The following PRDM1 variants were observed in gnomAD, a reference collection of about 807,000 sequenced individuals.
PRDM1 encodes the protein PR/SET domain 1.
A neutral mutation model predicts 62.8 loss-of-function variants in PRDM1; 13 were observed. The ratio of observed to expected loss-of-function variants is 0.21; its 90% CI spans 0.13 to 0.33. The LOEUF is 0.33. Among genes scored for constraint, PRDM1 ranks in the 10% least tolerant of loss-of-function variants. The pLI is 1.00. For missense variants in PRDM1, 895 were observed against 1,058.8 expected (o/e 0.85, Z 2.15); for synonymous variants, 396 against 417.6 (o/e 0.95, Z 0.63).
chr6:106,051,733 G>A (rs545121667), intron 1 of PRDM1, among the ~76,000 whole-genome samples: 7 of 152,294 alleles, frequency 4.6e-5, no homozygotes, highest in East Asian at 3.9e-4. Flanking sequence ...AAATGATGCC[G>A]AAGTCTGAAT....
At chr6:106,057,194 G>A (rs1400228794) in intron 1 of PRDM1, among the ~76,000 whole-genome samples, 2 of 152,208 alleles carry the variant, frequency 1.3e-5, no homozygotes, top group African/African-American at 4.8e-5. Flanking sequence ...CATTATAAGT[G>A]TGAGAAATTG....
At chr6:106,094,332 T>C (rs1774034343) in intron 2 of PRDM1, among the ~76,000 whole-genome samples, 2 of 152,088 alleles carry the variant, frequency 1.3e-5, no homozygotes, top group Admixed American at 1.3e-4. Flanking sequence ...ACTAGGAAAG[T>C]GAGAGAATAA....
chr6:106,107,015 C>T lies in PRDM1; in HGVS notation c.2007C>T (p.Thr669=), dbSNP rs1222740368. 1.9e-6 allele frequency: 3 copies of T among 1,614,178 alleles called. No individual in the cohort carries two copies. Among genetic ancestry groups the T allele is most frequent in the Admixed American group, 1.7e-5 (1 of 60,032 alleles). Residue 669 remains threonine (T), a synonymous_variant, in exon 7 of 7, where the codon ACC becomes ACT. Coordinates refer to ENST00000369096, the MANE Select transcript of PRDM1 (RefSeq NM_001198.4). The part of the protein sequence containing the change: ...YQCKVCPAKF[T]QFVHLKLHKR... ...GCAAGGTGTGCCCTGCCAAGTTCAC[C>T]CAGTTTGTGCACCTGAAACTGCACA...
At position 105,995,322 on chromosome 6, in the gene PRDM1, TTTTTC is replaced by T. The variant is rs1470692256; in HGVS notation, c.-67+1695_-67+1699del. On this transcript the variant is annotated intron_variant, in intron 1 of 6. Transcript: ENST00000652320. Reference sequence around the variant, plus strand: ...TCTGGGGGACGTTCTCATAAGGCTTTTTTTCTTTTCTTTTCTACCTTTTAACAGAA... The same window carrying T: ...TCTGGGGGACGTTCTCATAAGGCTTTTTTTCTTTTCTACCTTTTAACAGAA... Among the ~76,000 whole-genome samples the T allele has an allele frequency of 2.6e-5, 4 of 152,340 alleles. No homozygotes were observed. The South Asian group carries it at 6.2e-4, about 24-fold the overall frequency.
At chr6:106,069,961 T>C (rs1160993758) in intron 1 of PRDM1, among the ~76,000 whole-genome samples, 1 of 152,254 alleles carries the variant, frequency 6.6e-6, no homozygotes. Context: ...ATAGATTTAA[T>C]GCAATTCTTC....
rs2114618342 is a variant in PRDM1 at position 106,088,436 on chromosome 6, C to T, written c.278C>T (p.Thr93Ile). Residue 93 changes from threonine (T) to isoleucine (I), a missense_variant, in exon 2 of 7, where the codon ACC becomes ATC. Transcript: ENST00000369096. ...AGGAATCTGCTTTTCAAGTATGCCA[C>T]CAACAGTGAAGAGGTAAGCCTCTGG... ...LPRNLLFKYA[T>I]NSEEVIGVMS... The T allele has an allele frequency of 6.2e-7, 1 of 1,614,190 alleles. No individual in the cohort carries two copies. Among genetic ancestry groups the T allele is most frequent in the Non-Finnish European group, 8.5e-7 (1 of 1,180,038 alleles).
At chr6:106,098,176 A>G (rs548377661) in intron 3 of PRDM1, 1 of 985,092 alleles carries the variant, frequency 1.0e-6, no homozygotes, top group South Asian at 4.7e-5. Flanking sequence ...ACAGTGCCTT[A>G]CTGCTGCTTG....
intron 1 of PRDM1, among the ~76,000 whole-genome samples, chr6:106,064,300 G>A (rs1773392255): frequency 6.6e-6 from 1 of 152,196 alleles, no homozygotes; most frequent in African/African-American, 2.4e-5. Flanking sequence ...TCCTCTCTGG[G>A]TGTTGAGCTG....
At position 106,088,329 on chromosome 6, in the gene PRDM1, G is replaced by A. The variant is rs1562164897; in HGVS notation, c.171G>A (p.Lys57=). Residue 57 remains lysine (K), a synonymous_variant, in exon 2 of 7, where the codon AAG becomes AAA. Transcript: ENST00000369096. ...GGACAGAGGCTGAGTTTGAAGAGAA[G>A]TGTACATACATTGTGAACGACCACC... ...TLWTEAEFEE[K]CTYIVNDHPW... is the part of the protein sequence containing the mutation. 1 of 1,614,170 alleles carries A rather than the reference G, an allele frequency of 6.2e-7. No homozygotes were observed. Among genetic ancestry groups the A allele is most frequent in the East Asian group, 2.2e-5 (1 of 44,882 alleles).
chr6:106,108,567 T>G lies in PRDM1; in HGVS notation c.*1081T>G. ...TAATGTCAAAATTGCACAAACATGG[T>G]GCTCTACCAGGAAGGATTCGAGGTA... On this transcript the variant is annotated 3_prime_UTR_variant, in exon 7 of 7. Transcript: ENST00000369096. 4.6e-6 allele frequency: 1 copy of G among 217,724 alleles called. No homozygotes were observed. The highest frequency in any genetic ancestry group is 8.8e-6 in the Non-Finnish European group (1 of 113,696). 13.5% of individuals were successfully genotyped at this position (217,724 alleles called of 1,614,324 possible).
chr6:106,007,940 G>T (rs1282351722), intron 1 of PRDM1, among the ~76,000 whole-genome samples: 1 of 152,136 alleles, frequency 6.6e-6, no homozygotes, highest in Middle Eastern at 3.2e-3. Context: ...CTGTGCATTC[G>T]CTCAATGTTT....
intron 1 of PRDM1, among the ~76,000 whole-genome samples, chr6:106,052,681 C>A (rs1402966877): frequency 6.6e-6 from 1 of 151,884 alleles, no homozygotes; most frequent in Non-Finnish European, 1.5e-5. Context: ...TTTAAAAATT[C>A]ATGGTCATGC....
chr6:106,043,611 G>A (rs971350970), upstream of PRDM1, among the ~76,000 whole-genome samples: 13 of 151,984 alleles, frequency 8.6e-5, no homozygotes, highest in African/African-American at 2.9e-4. Context: ...TTGGCTCCCC[G>A]CAACCTCCGC....
In PRDM1 at chr6:106,107,804, A is replaced by AGAC. The variant is rs1774546161; in HGVS notation, c.*319_*321dup. ...TGTTTGCATAGCCTTCCCATTACTA[A>AGAC]GACTATTACCTAGTCATAATTATTT... On this transcript the variant is annotated 3_prime_UTR_variant, in exon 7 of 7. Coordinates refer to ENST00000369096, the MANE Select transcript of PRDM1 (RefSeq NM_001198.4). 8.6e-6 allele frequency: 2 copies of AGAC among 231,280 alleles called. No individual in the cohort carries two copies. Among genetic ancestry groups the AGAC allele is most frequent in the South Asian group, 3.6e-4 (2 of 5,514 alleles). 14.3% of individuals were successfully genotyped at this position (231,280 alleles called of 1,614,324 possible).
In PRDM1 at chr6:106,096,158, T is replaced by C. The variant is rs188879003; in HGVS notation, c.411+424T>C. On this transcript the variant is annotated intron_variant, in intron 3 of 6. Transcript: ENST00000369096. ...CACAAATGAATTATCTTTTTGGTTT[T>C]TTTTTTTTTGAGATGGAGTCTCACT... 3.0e-3 allele frequency: 494 copies of C among 166,100 alleles called. 10 individuals are homozygous for C. The highest frequency in any genetic ancestry group is 0.024 in the Admixed American group (409 of 17,084). 10.3% of individuals were successfully genotyped at this position (166,100 alleles called of 1,614,324 possible). A position where few individuals can be genotyped will look rare whatever the true frequency, so the allele number is the denominator to read the frequency against.
chr6:106,037,159 G>A (rs1772934247), intron 1 of PRDM1, among the ~76,000 whole-genome samples: 1 of 152,084 alleles, frequency 6.6e-6, no homozygotes, highest in Admixed American at 6.5e-5. Flanking sequence ...TTGGATATAG[G>A]ATTCTTGGCT....
intron 1 of PRDM1, among the ~76,000 whole-genome samples, chr6:106,056,149 A>G (rs1773262402): frequency 6.6e-6 from 1 of 152,152 alleles, no homozygotes; most frequent in African/African-American, 2.4e-5. Flanking sequence ...GTTTTCTGTC[A>G]TAATGTAAGC....
upstream of PRDM1, chr6:106,086,211 G>A (rs906580277): frequency 5.1e-5 from 18 of 353,496 alleles, no homozygotes; most frequent in East Asian, 7.7e-4. Flanking sequence ...CTCGGCGGCT[G>A]TGCTAGCAAT....
intron 1 of PRDM1, among the ~76,000 whole-genome samples, chr6:106,004,232 A>G (rs376929138): frequency 6.6e-6 from 1 of 152,040 alleles, no homozygotes; most frequent in Non-Finnish European, 1.5e-5. Context: ...GCTGGGGGGA[A>G]CTTCCCAGGT....
Sources: gnomAD v4.1 joint callset for allele counts (sites outside exome capture counted in the v4.1 genomes callset) on GRCh38, gnomAD v4.1.1 for gene constraint, MANE v1.5 for transcripts, NCBI Gene and HGNC (gene_info 2026-07-23, HGNC 2026-07-21) for gene names.